The following ENTREP2 variants were observed in gnomAD, a reference collection of about 807,000 sequenced individuals.
ENTREP2 encodes the protein protein ENTREP2.
chr15:29,656,022 T>TAAAAAA, the ENTREP2 span, among the ~76,000 whole-genome samples: 10 of 100,396 alleles, frequency 1.0e-4, no homozygotes, highest in African/African-American at 3.1e-4. Context: ...ACACTCCGTT[T>TAAAAAA]AAAAAAAAAA....
chr15:29,563,503 C>T, the ENTREP2 span, among the ~76,000 whole-genome samples: 28 of 152,276 alleles, frequency 1.8e-4, no homozygotes, highest in African/African-American at 6.5e-4. Context: ...TTCATAATTT[C>T]CTGTCATCTA....
the ENTREP2 span, among the ~76,000 whole-genome samples, chr15:29,672,020 T>G: frequency 6.6e-6 from 1 of 152,204 alleles, no homozygotes; most frequent in African/African-American, 2.4e-5. Flanking sequence ...AGCATCTCAC[T>G]CTGTCGCCCA....
chr15:29,389,040 C>A, the ENTREP2 span, among the ~76,000 whole-genome samples: 2 of 151,668 alleles, frequency 1.3e-5, no homozygotes, highest in African/African-American at 4.8e-5. Flanking sequence ...ATGCAGCACA[C>A]CAACATGGCA....
chr15:29,189,929 AG>A, the ENTREP2 span, among the ~76,000 whole-genome samples: 4 of 152,230 alleles, frequency 2.6e-5, no homozygotes, highest in African/African-American at 9.6e-5. Flanking sequence ...CTTTTTCAGT[AG>A]CACTTGTCCA....
At chr15:29,461,006 A>T in the ENTREP2 span, among the ~76,000 whole-genome samples, 2 of 152,186 alleles carry the variant, frequency 1.3e-5, no homozygotes, top group African/African-American at 4.8e-5. Context: ...ATAGTGCCTC[A>T]CTATAGAACA....
At chr15:29,124,616 A>C in the ENTREP2 span, 1 of 1,326,094 alleles carries the variant, frequency 7.5e-7, no homozygotes, top group African/African-American at 1.5e-5. Flanking sequence ...CAATGTAGCC[A>C]AGGACCCACC....
the ENTREP2 span, among the ~76,000 whole-genome samples, chr15:29,134,247 C>T: frequency 6.6e-6 from 1 of 152,238 alleles, no homozygotes; most frequent in Non-Finnish European, 1.5e-5. Context: ...CACCTAAGAA[C>T]ATCTCCATTA....
the ENTREP2 span, among the ~76,000 whole-genome samples, chr15:29,544,783 C>T: frequency 0.34 from 51,176 of 151,942 alleles, 8,837 homozygotes; most frequent in East Asian, 0.42. Flanking sequence ...CTAACAGTTC[C>T]GATGTTCAGG....
the ENTREP2 span, among the ~76,000 whole-genome samples, chr15:29,648,337 G>GAA: frequency 6.6e-6 from 1 of 152,188 alleles, no homozygotes; most frequent in Non-Finnish European, 1.5e-5. Flanking sequence ...TTAACTCCAT[G>GAA]GGTTGCCCAG....
At chr15:29,308,758 T>C in the ENTREP2 span, among the ~76,000 whole-genome samples, 1 of 152,144 alleles carries the variant, frequency 6.6e-6, no homozygotes, top group Non-Finnish European at 1.5e-5. Flanking sequence ...TGGCATACTG[T>C]TTTCAGTTAA....
At chr15:29,340,348 C>A in the ENTREP2 span, among the ~76,000 whole-genome samples, 205 of 152,228 alleles carry the variant, frequency 1.3e-3, 1 homozygote, top group African/African-American at 4.6e-3. Flanking sequence ...TGATAAATTT[C>A]ATGCTTCCTC....
chr15:29,515,435 T>C, the ENTREP2 span, among the ~76,000 whole-genome samples: 1,266 of 152,282 alleles, frequency 8.3e-3, 10 homozygotes, highest in Admixed American at 0.012. Context: ...ACCACCTGCA[T>C]TGGTGAGGAT....
chr15:29,335,032 C>A, the ENTREP2 span, among the ~76,000 whole-genome samples: 1 of 152,180 alleles, frequency 6.6e-6, no homozygotes, highest in African/African-American at 2.4e-5. Flanking sequence ...GAACCAAGAT[C>A]CCAAACGTAT....
chr15:29,617,343 C>T, the ENTREP2 span, among the ~76,000 whole-genome samples: 1 of 152,136 alleles, frequency 6.6e-6, no homozygotes, highest in East Asian at 1.9e-4. Flanking sequence ...TTCCCTTTGC[C>T]TCCTCCTTTT....
the ENTREP2 span, among the ~76,000 whole-genome samples, chr15:29,545,261 C>T: frequency 3.9e-5 from 6 of 152,196 alleles, no homozygotes; most frequent in East Asian, 3.9e-4. Context: ...AGTGAAAATC[C>T]GATATTTACC....
chr15:29,207,264 G>A, the ENTREP2 span, among the ~76,000 whole-genome samples: 3 of 152,198 alleles, frequency 2.0e-5, no homozygotes, highest in Admixed American at 6.5e-5. Flanking sequence ...ATTGTGTCCA[G>A]AATTGGTTCC....
the ENTREP2 span, among the ~76,000 whole-genome samples, chr15:29,312,133 T>C: frequency 6.6e-6 from 1 of 152,136 alleles, no homozygotes; most frequent in South Asian, 2.1e-4. Flanking sequence ...AAAAACTAAC[T>C]TTTCCTGCTA....
the ENTREP2 span, among the ~76,000 whole-genome samples, chr15:29,592,080 C>A: frequency 6.6e-6 from 1 of 152,260 alleles, no homozygotes; most frequent in South Asian, 2.1e-4. Context: ...TGTGAAGTGA[C>A]AAATTTCTGT....
chr15:29,277,052 A>C, the ENTREP2 span, among the ~76,000 whole-genome samples: 2 of 152,318 alleles, frequency 1.3e-5, no homozygotes, highest in South Asian at 2.1e-4. Flanking sequence ...CCATATGGAA[A>C]GTATATATGG....
Sources: gnomAD v4.1 joint callset for allele counts (sites outside exome capture counted in the v4.1 genomes callset) on GRCh38, gnomAD v4.1.1 for gene constraint, MANE v1.5 for transcripts, NCBI Gene and HGNC (gene_info 2026-07-23, HGNC 2026-07-21) for gene names.